The following SUPT3H variants were observed in gnomAD, a reference collection of about 807,000 sequenced individuals.
SUPT3H encodes SPT3 homolog, SAGA and STAGA complex component.
SUPT3H carries 44 observed loss-of-function variants against 44.3 expected under a neutral mutation model. The ratio of observed to expected loss-of-function variants is 0.99; its 90% CI spans 0.78 to 1.28. SUPT3H has a LOEUF of 1.28. Among genes scored for constraint, SUPT3H ranks in the 50% most tolerant of loss-of-function variants. The probability of loss-of-function intolerance (pLI) is 0.00; values close to 1 mark genes in which losing one functional copy is unlikely to be tolerated. For synonymous variants in SUPT3H, 124 were observed against 125.6 expected (o/e 0.99, Z 0.09); for missense variants, 380 against 387.1 (o/e 0.98, Z 0.15).
At chr6:45,222,321 A>C (rs899481394) in intron 2 of SUPT3H, among the ~76,000 whole-genome samples, 2 of 152,198 alleles carry the variant, frequency 1.3e-5, no homozygotes, top group Non-Finnish European at 2.9e-5. Context: ...ACAAACCGTA[A>C]GGAAAACACT....
intron 2 of SUPT3H, among the ~76,000 whole-genome samples, chr6:45,167,290 T>A (rs1810049669): frequency 6.6e-6 from 1 of 152,202 alleles, no homozygotes; most frequent in Non-Finnish European, 1.5e-5. Flanking sequence ...GAAGAATGCT[T>A]TCCAAGTATA....
chr6:45,102,100 T>C (rs1319817874), intron 3 of SUPT3H, among the ~76,000 whole-genome samples: 1 of 151,934 alleles, frequency 6.6e-6, no homozygotes. Flanking sequence ...CATAAAGAAC[T>C]GAAAAAAGAA....
chr6:45,221,594 G>A lies in SUPT3H; in HGVS notation c.102-115588C>T, dbSNP rs527536758. On this transcript the variant is annotated intron_variant, in intron 2 of 10. Transcript: ENST00000371459. ...AAGAAATCAGACAACCTAAATAAAT[G>A]GAGACACAGTTTATGTTCATAGATT... Among the ~76,000 whole-genome samples, 7 of 152,100 alleles carry A rather than the reference G, an allele frequency of 4.6e-5. No individual in the cohort carries two copies. In the East Asian group the frequency reaches 1.4e-3, roughly 29 times the overall value.
intron 2 of SUPT3H, among the ~76,000 whole-genome samples, chr6:45,176,133 C>T (rs1053431777): frequency 4.6e-5 from 7 of 151,928 alleles, no homozygotes; most frequent in Admixed American, 6.6e-5. Flanking sequence ...ACGCAGAAGA[C>T]GGGTGATTTC....
chr6:45,049,914 A>G (rs992212817), intron 3 of SUPT3H, among the ~76,000 whole-genome samples: 1 of 152,200 alleles, frequency 6.6e-6, no homozygotes, highest in Non-Finnish European at 1.5e-5. Context: ...CATCAATAAA[A>G]TAAGAACCAA....
At chr6:45,039,776 C>T (rs1308731116) in intron 3 of SUPT3H, among the ~76,000 whole-genome samples, 1 of 150,888 alleles carries the variant, frequency 6.6e-6, no homozygotes, top group Non-Finnish European at 1.5e-5. Context: ...CTAAGAGAGA[C>T]TATGTCTCAA....
chr6:44,876,836 G>GAAAAAAAA (rs200454659), intron 10 of SUPT3H, among the ~76,000 whole-genome samples: 55 of 92,196 alleles, frequency 6.0e-4, no homozygotes, highest in Non-Finnish European at 9.7e-4. Context: ...ATCTTCAATT[G>GAAAAAAAA]AAAAAAAAAA....
chr6:45,271,440 G>T (rs531181603), intron 2 of SUPT3H, among the ~76,000 whole-genome samples: 1 of 152,252 alleles, frequency 6.6e-6, no homozygotes, highest in East Asian at 1.9e-4. Flanking sequence ...GGTATAGCTC[G>T]GGCTGTGGCT....
intron 6 of SUPT3H, among the ~76,000 whole-genome samples, chr6:44,979,020 A>G (rs913624726): frequency 6.6e-6 from 1 of 152,206 alleles, no homozygotes; most frequent in African/African-American, 2.4e-5. Flanking sequence ...CCTTTTAGGT[A>G]CATTTACAAC....
intron 3 of SUPT3H, among the ~76,000 whole-genome samples, chr6:45,052,328 TAAATTA>T (rs1013281549): frequency 6.6e-6 from 1 of 152,194 alleles, no homozygotes; most frequent in African/African-American, 2.4e-5. Flanking sequence ...TTCTGAAATT[TAAATTA>T]AAATTAAAGA....
chr6:45,153,327 T>C (rs187472622), intron 2 of SUPT3H, among the ~76,000 whole-genome samples: 2 of 152,318 alleles, frequency 1.3e-5, no homozygotes, highest in African/African-American at 2.4e-5. Context: ...TTAGGCATGA[T>C]AGGCACACAA....
rs1289132012 is a variant in SUPT3H at position 45,213,681 on chromosome 6, AATCAAATTATT to A, written c.102-107686_102-107676del. On this transcript the variant is annotated intron_variant, in intron 2 of 10. Transcript: ENST00000371459. ...GGATTATATCCTACGATAATTAATCAATCAAATTATTAAGAACAAGGAAGCCCATTAAATGT... is the reference window on the plus strand; with the variant it reads ...GGATTATATCCTACGATAATTAATCAAAGAACAAGGAAGCCCATTAAATGT... Among the ~76,000 whole-genome samples the A allele has an allele frequency of 2.6e-3, 397 of 152,280 alleles. 2 individuals carry two copies. The highest frequency in any genetic ancestry group is 7.4e-3 in the African/African-American group (308 of 41,590).
chr6:45,180,096 A>G (rs1471429626), intron 2 of SUPT3H, among the ~76,000 whole-genome samples: 3 of 142,970 alleles, frequency 2.1e-5, no homozygotes, highest in Admixed American at 7.0e-5. Context: ...GAGCCAAATC[A>G]TGAGTGAACT....
intron 2 of SUPT3H, among the ~76,000 whole-genome samples, chr6:45,228,338 T>C (rs546210522): frequency 2.0e-5 from 3 of 152,268 alleles, no homozygotes; most frequent in Admixed American, 2.0e-4. Context: ...ATCCAATCAG[T>C]TGAAGGCCTT....
intron 2 of SUPT3H, among the ~76,000 whole-genome samples, chr6:45,193,260 C>A (rs1444409112): frequency 6.6e-6 from 1 of 152,032 alleles, no homozygotes; most frequent in Non-Finnish European, 1.5e-5. Flanking sequence ...TACACTGGTT[C>A]CTAATGTAAA....
At chr6:44,901,302 A>G (rs2153448248) in intron 10 of SUPT3H, among the ~76,000 whole-genome samples, 1 of 152,340 alleles carries the variant, frequency 6.6e-6, no homozygotes, top group African/African-American at 2.4e-5. Context: ...GGCTAACTAG[A>G]ATAACCAACG....
At chr6:44,867,057 T>C (rs1775615360) in intron 10 of SUPT3H, among the ~76,000 whole-genome samples, 1 of 152,038 alleles carries the variant, frequency 6.6e-6, no homozygotes, top group African/African-American at 2.4e-5. Context: ...CTTAAGTAAA[T>C]GGATTAAAAA....
chr6:45,135,334 G>T (rs773632421), intron 2 of SUPT3H, among the ~76,000 whole-genome samples: 17 of 151,926 alleles, frequency 1.1e-4, no homozygotes, highest in Non-Finnish European at 1.8e-4. Flanking sequence ...ACACACCCTT[G>T]GTTTACTCTC....
At chr6:45,260,583 AGATT>A (rs1009009746) in intron 2 of SUPT3H, among the ~76,000 whole-genome samples, 3 of 152,004 alleles carry the variant, frequency 2.0e-5, no homozygotes, top group Admixed American at 1.3e-4. Context: ...CTCATAACAT[AGATT>A]ATCTTTTAAT....
Sources: allele counts gnomAD v4.1 joint callset (sites outside exome capture counted in the v4.1 genomes callset), GRCh38; gene constraint gnomAD v4.1.1; transcripts MANE v1.5; gene names NCBI Gene and HGNC (gene_info 2026-07-23, HGNC 2026-07-21).